NLGN1: variants seen among roughly 807,000 people sequenced by gnomAD.
NLGN1 encodes neuroligin 1, also known as neuroligin-1.
NLGN1 carries 12 observed loss-of-function variants against 65.5 expected under a neutral mutation model. That is an observed-to-expected ratio of 0.18 (90% CI 0.12 to 0.30). NLGN1 has a LOEUF of 0.30. NLGN1 is among the 10% of genes least tolerant of loss of function. NLGN1 has a pLI of 1.00. For synonymous variants in NLGN1, 350 were observed against 359.5 expected (o/e 0.97, Z 0.30); for missense variants, 750 against 1,007.1 (o/e 0.74, Z 3.46).
chr3:173,829,806 C>T (rs1385731272), intron 4 of NLGN1, among the ~76,000 whole-genome samples: 2 of 152,136 alleles, frequency 1.3e-5, no homozygotes, highest in Non-Finnish European at 2.9e-5. Context: ...CTTCTGCCCC[C>T]TTGCCTTCCA....
intron 4 of NLGN1, among the ~76,000 whole-genome samples, chr3:174,159,268 G>C (rs910172371): frequency 6.6e-6 from 1 of 151,498 alleles, no homozygotes; most frequent in African/African-American, 2.4e-5. Context: ...ATATCTATAC[G>C]TCTGTAACTA....
intron 4 of NLGN1, among the ~76,000 whole-genome samples, chr3:174,082,054 G>T (rs1481736016): frequency 2.0e-5 from 3 of 152,206 alleles, no homozygotes; most frequent in Non-Finnish European, 4.4e-5. Context: ...TACAATGGCT[G>T]CAGTGTAATT....
intron 4 of NLGN1, among the ~76,000 whole-genome samples, chr3:174,003,623 T>C (rs1187931281): frequency 6.6e-6 from 1 of 152,192 alleles, no homozygotes; most frequent in Non-Finnish European, 1.5e-5. Flanking sequence ...AAGAAAGAAT[T>C]TTTAAAAACT....
chr3:174,015,798 T>A (rs532764071), intron 4 of NLGN1, among the ~76,000 whole-genome samples: 15 of 152,154 alleles, frequency 9.9e-5, no homozygotes, highest in Admixed American at 1.3e-4. Context: ...ATTTTTTAAC[T>A]AGTATTTTCA....
At chr3:173,821,637 C>T (rs1002947632) in intron 4 of NLGN1, among the ~76,000 whole-genome samples, 1 of 151,984 alleles carries the variant, frequency 6.6e-6, no homozygotes, top group African/African-American at 2.4e-5. Context: ...GTACTATTTA[C>T]TAAAGCAATT....
intron 4 of NLGN1, among the ~76,000 whole-genome samples, chr3:174,239,512 C>G (rs960020650): frequency 6.6e-6 from 1 of 152,148 alleles, no homozygotes; most frequent in Non-Finnish European, 1.5e-5. Flanking sequence ...TTCCTAATTG[C>G]ATTTTAGTTA....
chr3:173,788,683 C>T (rs1239647014), intron 3 of NLGN1, among the ~76,000 whole-genome samples: 1 of 151,724 alleles, frequency 6.6e-6, no homozygotes, highest in Non-Finnish European at 1.5e-5. Context: ...CTGCTGGATG[C>T]AGTGGCTTGA....
At chr3:174,044,937 C>T (rs1165406329) in intron 4 of NLGN1, among the ~76,000 whole-genome samples, 1 of 152,026 alleles carries the variant, frequency 6.6e-6, no homozygotes, top group African/African-American at 2.4e-5. Flanking sequence ...TGAAGAAGGA[C>T]GTGTTTGCTT....
rs561914634 is a variant in NLGN1 at position 173,404,408 on chromosome 3, C to T, written c.-390+5921C>T. On this transcript the variant is annotated intron_variant, in intron 1 of 6. Coordinates refer to ENST00000457714, the Ensembl canonical transcript of NLGN1. ...TTGACAATGCTCTATTTTCAGGCTC[C>T]ATGCCTAGAGCTGTTTACACCACAG... 6.3e-4 allele frequency among the ~76,000 whole-genome samples: 96 copies of T among 152,254 alleles called. 1 individual carries two copies. The South Asian group carries it at 0.02, about 32-fold the overall frequency.
chr3:173,506,012 T>G (rs1415433767), intron 2 of NLGN1, among the ~76,000 whole-genome samples: 1 of 152,198 alleles, frequency 6.6e-6, no homozygotes, highest in East Asian at 1.9e-4. Flanking sequence ...CACTAGCATA[T>G]AGTTGGCACC....
At chr3:173,445,075 C>T (rs1221847392) in intron 2 of NLGN1, among the ~76,000 whole-genome samples, 18 of 151,226 alleles carry the variant, frequency 1.2e-4, no homozygotes, top group South Asian at 4.2e-4. Flanking sequence ...GAGACCATCC[C>T]GGCTAAAACG....
In NLGN1 at chr3:173,761,009, G is replaced by A. The variant is rs574111395; in HGVS notation, c.494-46671G>A. Among the ~76,000 whole-genome samples, 18 of 152,132 alleles carry A rather than the reference G, an allele frequency of 1.2e-4. No individual in the cohort carries two copies. In the East Asian group the frequency reaches 3.3e-3, roughly 28 times the overall value. ...CTCTGGGCCTATAACAATTTTTAGAGAAACTGATTGTGGTAGCCTCTGGGT... is the reference window on the plus strand; with the variant it reads ...CTCTGGGCCTATAACAATTTTTAGAAAAACTGATTGTGGTAGCCTCTGGGT... On this transcript the variant is annotated intron_variant, in intron 3 of 6. Transcript: ENST00000457714.
chr3:173,507,540 A>G (rs979361431), intron 2 of NLGN1, among the ~76,000 whole-genome samples: 9 of 152,154 alleles, frequency 5.9e-5, no homozygotes, highest in Non-Finnish European at 1.2e-4. Flanking sequence ...CATGGTCTTC[A>G]GCAAATTAGC....
At chr3:173,492,524 C>T (rs142474083) in intron 2 of NLGN1, among the ~76,000 whole-genome samples, 1 of 151,630 alleles carries the variant, frequency 6.6e-6, no homozygotes, top group Non-Finnish European at 1.5e-5. Context: ...GTAGAATTTC[C>T]TATATATTTG....
At chr3:174,174,432 C>T (rs1240457800) in intron 4 of NLGN1, among the ~76,000 whole-genome samples, 3 of 152,010 alleles carry the variant, frequency 2.0e-5, no homozygotes, top group African/African-American at 7.2e-5. Flanking sequence ...AGTTTACATT[C>T]CCACCAGCAG....
intron 3 of NLGN1, among the ~76,000 whole-genome samples, chr3:173,785,365 CATTCCTT>C (rs1482176694): frequency 2.6e-5 from 4 of 152,190 alleles, no homozygotes; most frequent in Non-Finnish European, 5.9e-5. Flanking sequence ...CCTTACAATA[CATTCCTT>C]AATTTTCTTA....
intron 4 of NLGN1, among the ~76,000 whole-genome samples, chr3:173,993,029 G>C (rs939864040): frequency 2.0e-5 from 3 of 152,162 alleles, no homozygotes; most frequent in Middle Eastern, 3.4e-3. Flanking sequence ...GGGGATAAAT[G>C]GTTCTTCATT....
At chr3:174,061,667 A>G (rs186909869) in intron 4 of NLGN1, among the ~76,000 whole-genome samples, 3 of 152,316 alleles carry the variant, frequency 2.0e-5, no homozygotes, top group Non-Finnish European at 4.4e-5. Context: ...CAACAGAATT[A>G]ATTAAAATGA....
At chr3:173,946,379 A>G (rs568876235) in intron 4 of NLGN1, among the ~76,000 whole-genome samples, 15 of 152,220 alleles carry the variant, frequency 9.9e-5, no homozygotes, top group Admixed American at 4.6e-4. Context: ...TGCATTTTAC[A>G]TATTATTTTT....
Sources: allele counts gnomAD v4.1 joint callset (sites outside exome capture counted in the v4.1 genomes callset), GRCh38; gene constraint gnomAD v4.1.1; transcripts MANE v1.5; gene names NCBI Gene and HGNC (gene_info 2026-07-23, HGNC 2026-07-21).